The following CC2D2A variants were observed in gnomAD, a reference collection of about 807,000 sequenced individuals.
CC2D2A encodes the protein coiled-coil and C2 domain-containing protein 2A.
In CC2D2A, 155 loss-of-function variants were observed where a neutral mutation model predicts 212.9. That is an observed-to-expected ratio of 0.73 (90% CI 0.64 to 0.83). CC2D2A has a LOEUF of 0.83. CC2D2A is among the 40% of genes least tolerant of loss of function. The pLI, the probability that CC2D2A is intolerant of heterozygous loss-of-function variation, is 0.00. For synonymous variants in CC2D2A, 667 were observed against 686.5 expected, an observed-to-expected ratio of 0.97 and a Z score of 0.44; for missense variants, 1,856 against 1,956.2, an observed-to-expected ratio of 0.95 and a Z score of 0.97.
intron 17 of CC2D2A, among the ~76,000 whole-genome samples, chr4:15,550,574 T>C (rs1364958348): frequency 5.3e-5 from 8 of 152,210 alleles, no homozygotes; most frequent in Non-Finnish European, 1.0e-4. Flanking sequence ...CGCCTGCTAC[T>C]TTGATTAGCC....
chr4:15,557,982 G>C (rs1437469301), intron 21 of CC2D2A, among the ~76,000 whole-genome samples: 1 of 152,110 alleles, frequency 6.6e-6, no homozygotes, highest in Non-Finnish European at 1.5e-5. Flanking sequence ...GCATGAAGGA[G>C]GTAAAGGAAC....
intron 7 of CC2D2A, 104 bp downstream of exon 7, chr4:15,510,344 C>A: frequency 1.0e-6 from 1 of 972,146 alleles, no homozygotes. Context: ...GCCTGCAATC[C>A]CAGCGCTTTG....
chr4:15,563,694 T>A, intron 24 of CC2D2A, 172 bp downstream of exon 24: 2 of 632,326 alleles, frequency 3.2e-6, no homozygotes, highest in Non-Finnish European at 5.5e-6. Context: ...TCCAATTCCA[T>A]CAATTCAGGC....
Position 15,540,936 on chromosome 4 carries a change from A to G in CC2D2A, c.2103A>G (p.Leu701=), listed in dbSNP as rs1236071005. 3 of 1,568,892 alleles carry G rather than the reference A, an allele frequency of 1.9e-6. No homozygotes were observed. Among genetic ancestry groups the G allele is most frequent in the Admixed American group, 3.8e-5 (2 of 53,024 alleles). Residue 701 remains leucine (L), a synonymous_variant, in exon 17 of 37, where the codon CTA becomes CTG. Coordinates refer to ENST00000424120, the MANE Select transcript of CC2D2A (RefSeq NM_001378615.1). ...KEVSRTVSRP[L]GADFRVHFGQ... ...TGTCCAGGACAGTCAGTCGGCCACT[A>G]GGAGCAGACTTCCGAGTTCACTTTG...
intron 11 of CC2D2A, 61 bp from the exon 12 acceptor site, chr4:15,527,386 A>G (rs1717563223): frequency 8.0e-7 from 1 of 1,255,814 alleles, no homozygotes; most frequent in Non-Finnish European, 1.1e-6. Flanking sequence ...TGTGGATTAG[A>G]GAATCATTAT....
At chr4:15,524,135 TTTTG>T (rs982390892) in intron 11 of CC2D2A, among the ~76,000 whole-genome samples, 12 of 152,182 alleles carry the variant, frequency 7.9e-5, no homozygotes, top group Admixed American at 2.0e-4. Context: ...TTCTGTACAT[TTTTG>T]TTTGTTTGTT....
In CC2D2A at chr4:15,540,981, A is replaced by G; in HGVS notation, c.2148A>G (p.Gln716=). 6.4e-7 allele frequency: 1 copy of G among 1,551,576 alleles called. No homozygotes were observed. Among genetic ancestry groups the G allele is most frequent in the South Asian group, 1.2e-5 (1 of 83,932 alleles). Residue 716 remains glutamine, a synonymous_variant, in exon 17 of 37, where the codon CAA becomes CAG. Transcript: ENST00000424120. ...ACTTTGGGCAGATTTTCAATTTGCA[A>G]ATAGTCAACTGGCCGGAGAGTTTAA... ...RVHFGQIFNL[Q]IVNWPESLTL... is the part of the protein sequence containing the mutation.
chr4:15,502,935 C>G lies in CC2D2A; in HGVS notation c.438+12C>G. On this transcript the variant is annotated intron_variant, in intron 6 of 36. Coordinates refer to ENST00000424120, the MANE Select transcript of CC2D2A (RefSeq NM_001378615.1). ...AATTTGGCACAGAGGTGAGAAATAC[C>G]CTCTCTACTTTGTGATCAAAACCAG... 6.4e-7 allele frequency: 1 copy of G among 1,573,248 alleles called. No homozygotes were observed. Among genetic ancestry groups the G allele is most frequent in the East Asian group, 2.3e-5 (1 of 44,310 alleles).
At chr4:15,540,212 C>G (rs1225131670) in intron 16 of CC2D2A, among the ~76,000 whole-genome samples, 1 of 151,934 alleles carries the variant, frequency 6.6e-6, no homozygotes, top group Admixed American at 6.6e-5. Context: ...TTGCTATTGA[C>G]TTAACCAATA....
chr4:15,570,347 A>C, intron 27 of CC2D2A, 51 bp from the exon 28 acceptor site: 14 of 1,140,504 alleles, frequency 1.2e-5, no homozygotes, highest in African/African-American at 9.3e-5. Flanking sequence ...AGATTAATTA[A>C]ATGAGTTTCT....
Position 15,511,309 on chromosome 4 carries a change from C to T in CC2D2A, c.603C>T (p.Pro201=), listed in dbSNP as rs556542553. ...AYNFFTFNFD[P]EPEGSEEKPK... is the part of the protein sequence containing the mutation. Reference sequence around the variant, plus strand: ...ACTTCTTTACTTTCAACTTTGATCCCGAACCAGAAGGATCAGAGGAAAAAC... The same window carrying T: ...ACTTCTTTACTTTCAACTTTGATCCTGAACCAGAAGGATCAGAGGAAAAAC... The change falls in exon 8 of 37, where the codon CCC becomes CCT. Residue 201 remains proline, a synonymous_variant. Coordinates refer to ENST00000424120, the MANE Select transcript of CC2D2A (RefSeq NM_001378615.1). 76 of 1,600,430 alleles carry T rather than the reference C, an allele frequency of 4.7e-5. No individual in the cohort carries two copies. Among genetic ancestry groups the T allele is most frequent in the South Asian group, 4.2e-4 (37 of 88,014 alleles).
chr4:15,566,691 G>A (rs1719894991), intron 24 of CC2D2A, among the ~76,000 whole-genome samples: 1 of 152,176 alleles, frequency 6.6e-6, no homozygotes, highest in Non-Finnish European at 1.5e-5. Flanking sequence ...ATCTTCTCAA[G>A]CTGGGCATGG....
intron 11 of CC2D2A, among the ~76,000 whole-genome samples, chr4:15,521,885 G>A (rs1043363349): frequency 1.5e-4 from 23 of 152,174 alleles, no homozygotes; most frequent in Non-Finnish European, 2.2e-4. Flanking sequence ...GGAAAACCAA[G>A]TCAGAGTGCC....
chr4:15,530,300 T>C (rs1487146134), intron 13 of CC2D2A, among the ~76,000 whole-genome samples: 1 of 152,216 alleles, frequency 6.6e-6, no homozygotes, highest in Admixed American at 6.5e-5. Context: ...CTTTTCTTTT[T>C]GCAATTTAGC....
At chr4:15,493,816 TG>T (rs1343612075) in intron 4 of CC2D2A, among the ~76,000 whole-genome samples, 2 of 152,222 alleles carry the variant, frequency 1.3e-5, no homozygotes, top group African/African-American at 2.4e-5. Flanking sequence ...GTTGGTTGAA[TG>T]ATTGAAGGGT....
Position 15,536,988 on chromosome 4 carries a change from T to C in CC2D2A, c.1676T>C (p.Leu559Pro), listed in dbSNP as rs754221308. 2 of 1,613,812 alleles carry C rather than the reference T, an allele frequency of 1.2e-6. No individual in the cohort carries two copies. Among genetic ancestry groups the C allele is most frequent in the Non-Finnish European group, 8.5e-7 (1 of 1,179,790 alleles). Residue 559 changes from leucine to proline, a missense_variant, in exon 15 of 37, where the codon CTG becomes CCG. Around this residue, in one of 5 missense-constraint regions of CC2D2A, gnomAD observed 1,512 missense variants for 1,579.3 expected, o/e 0.96. Transcript: ENST00000424120. The part of the protein sequence containing the change: ...EAEIQAEISE[L>P]LEEHTEEYAQ... ...GAAATTCAAGCTGAAATAAGTGAAC[T>C]GTTAGAAGAGCACACGGAGGAGTAC... is the stretch of plus-strand genomic sequence containing the variant.
At chr4:15,543,584 A>G (rs987093094) in intron 17 of CC2D2A, 21 of 152,348 alleles carry the variant, frequency 1.4e-4, no homozygotes, top group African/African-American at 4.6e-4. Context: ...TGCAGGTAAA[A>G]GTAGAGAGTT....
chr4:15,470,998 G>A (rs761402701), intron 1 of CC2D2A, among the ~76,000 whole-genome samples: 7 of 151,902 alleles, frequency 4.6e-5, no homozygotes, highest in Non-Finnish European at 7.4e-5. Context: ...TAAATGCACT[G>A]GTCATATATC....
At position 15,527,456 on chromosome 4, in the gene CC2D2A, T is replaced by C. The variant is rs1330366492; in HGVS notation, c.1159T>C (p.Tyr387His). The C allele has an allele frequency of 2.5e-6, 4 of 1,612,638 alleles. No homozygotes were observed. Among genetic ancestry groups the C allele is most frequent in the Non-Finnish European group, 3.4e-6 (4 of 1,179,172 alleles). Residue 387 changes from tyrosine to histidine, a missense_variant, in exon 12 of 37, where the codon TAC (tyrosine) becomes CAC (histidine). By Grantham distance (83) the Tyr-to-His change is moderately conservative. Around this residue, in one of 5 missense-constraint regions of CC2D2A, gnomAD observed 1,512 missense variants for 1,579.3 expected, o/e 0.96. Coordinates refer to ENST00000424120, the MANE Select transcript of CC2D2A (RefSeq NM_001378615.1). Reference protein sequence around the residue: ...LETLYKKAVKYVHSSQHVIRS... With the variant: ...LETLYKKAVKHVHSSQHVIRS... Reference sequence around the variant, plus strand: ...CTGCTTTCCTTGGCAGGCTGTAAAATACGTTCACAGTAGTCAGCATGTGAT... The same window carrying C: ...CTGCTTTCCTTGGCAGGCTGTAAAACACGTTCACAGTAGTCAGCATGTGAT...
Sources: allele counts gnomAD v4.1 joint callset (sites outside exome capture counted in the v4.1 genomes callset), GRCh38; gene constraint gnomAD v4.1.1; regional missense constraint gnomAD v4.1.1; transcripts MANE v1.5; gene names NCBI Gene and HGNC (gene_info 2026-07-23, HGNC 2026-07-21).